The following IL15 variants were observed in gnomAD, a reference collection of about 807,000 sequenced individuals.
IL15 encodes the protein interleukin 15.
A neutral mutation model predicts 19.6 loss-of-function variants in IL15; 11 were observed. That is an observed-to-expected ratio of 0.56 (90% CI 0.35 to 0.93). The LOEUF is 0.93. IL15 is among the 40% of genes least tolerant of loss of function. The pLI, the probability that IL15 is intolerant of heterozygous loss-of-function variation, is 0.01. For missense variants in IL15, 197 were observed against 186.5 expected (o/e 1.06, Z -0.33); for synonymous variants, 58 against 59.6 (o/e 0.97, Z 0.12).
chr4:141,679,493 T>C (rs941166193), intron 2 of IL15, among the ~76,000 whole-genome samples: 2 of 152,224 alleles, frequency 1.3e-5, no homozygotes, highest in Admixed American at 6.5e-5. Flanking sequence ...ATTATTTCTT[T>C]GGTTTCAATT....
intron 2 of IL15, among the ~76,000 whole-genome samples, chr4:141,696,211 T>C (rs1213582234): frequency 6.6e-6 from 1 of 152,152 alleles, no homozygotes; most frequent in Non-Finnish European, 1.5e-5. Context: ...CCAATATATA[T>C]TCTTGGCACC....
chr4:141,642,184 G>A (rs1019882383), intron 1 of IL15, among the ~76,000 whole-genome samples: 20 of 152,248 alleles, frequency 1.3e-4, no homozygotes, highest in African/African-American at 4.8e-4. Context: ...CACATGTTAA[G>A]ATTCTGGATA....
At chr4:141,681,331 A>G (rs188064902) in intron 2 of IL15, among the ~76,000 whole-genome samples, 71 of 152,106 alleles carry the variant, frequency 4.7e-4, no homozygotes, top group African/African-American at 1.5e-3. Flanking sequence ...AAAGGGTAAT[A>G]GAAGTCATAG....
chr4:141,662,853 A>G (rs761092216), intron 2 of IL15, among the ~76,000 whole-genome samples: 5 of 152,066 alleles, frequency 3.3e-5, no homozygotes, highest in Non-Finnish European at 7.4e-5. Context: ...TTTGATTTAA[A>G]CCCTTAAAGA....
At chr4:141,680,349 CCT>C (rs1331528481) in intron 2 of IL15, among the ~76,000 whole-genome samples, 1 of 152,120 alleles carries the variant, frequency 6.6e-6, no homozygotes, top group Non-Finnish European at 1.5e-5. Context: ...TGAGCTATCC[CCT>C]GTGTTTTATG....
At chr4:141,698,738 C>T (rs540110404) in intron 2 of IL15, among the ~76,000 whole-genome samples, 6 of 152,082 alleles carry the variant, frequency 3.9e-5, no homozygotes, top group Non-Finnish European at 5.9e-5. Flanking sequence ...CTTGGTTAAT[C>T]GTACTAATGG....
At chr4:141,713,008 C>A (rs1729760104) in intron 2 of IL15, among the ~76,000 whole-genome samples, 1 of 151,762 alleles carries the variant, frequency 6.6e-6, no homozygotes, top group Admixed American at 6.6e-5. Context: ...AGAATTAATA[C>A]CAACCTCAGG....
At chr4:141,651,294 T>G (rs1727398420) in intron 1 of IL15, among the ~76,000 whole-genome samples, 1 of 152,036 alleles carries the variant, frequency 6.6e-6, no homozygotes, top group Non-Finnish European at 1.5e-5. Context: ...CATGACGGAA[T>G]TGGAGGCCAT....
At chr4:141,722,819 A>G (rs1475314400) in intron 5 of IL15, among the ~76,000 whole-genome samples, 2 of 152,188 alleles carry the variant, frequency 1.3e-5, no homozygotes, top group African/African-American at 4.8e-5. Flanking sequence ...GCCTTAACAA[A>G]GAAATAGAAG....
chr4:141,671,900 T>G (rs1223134972), intron 2 of IL15, among the ~76,000 whole-genome samples: 2 of 152,226 alleles, frequency 1.3e-5, no homozygotes, highest in African/African-American at 4.8e-5. Flanking sequence ...GTGCATGGGA[T>G]GGAAGAGACT....
intron 4 of IL15, chr4:141,721,031 G>T: frequency 1.5e-6 from 1 of 681,276 alleles, no homozygotes; most frequent in Non-Finnish European, 2.4e-6. Flanking sequence ...ATGTTTCCAT[G>T]ACTATTAACT....
rs191545560 is a variant in IL15, at chr4:141,651,300, G to A, written c.-221-4886G>A. Among the ~76,000 whole-genome samples, 243 of 152,018 alleles carry A rather than the reference G, an allele frequency of 1.6e-3. 2 individuals carry two copies. Among genetic ancestry groups the A allele is most frequent in the African/African-American group, 5.7e-3 (235 of 41,458 alleles). On this transcript the variant is annotated intron_variant, in intron 1 of 7. Transcript: ENST00000320650. Reference sequence around the variant, plus strand: ...TTGCAGCAACATGACGGAATTGGAGGCCATTATCTCAAGTGAAACAAATCA... The same window carrying A: ...TTGCAGCAACATGACGGAATTGGAGACCATTATCTCAAGTGAAACAAATCA...
chr4:141,707,990 G>A (rs1480105710), intron 2 of IL15, among the ~76,000 whole-genome samples: 1 of 152,196 alleles, frequency 6.6e-6, no homozygotes, highest in Non-Finnish European at 1.5e-5. Context: ...CAGAGCTGCT[G>A]CAGGACTGGA....
chr4:141,654,432 G>A (rs1727518737), intron 1 of IL15, among the ~76,000 whole-genome samples: 1 of 152,228 alleles, frequency 6.6e-6, no homozygotes, highest in Non-Finnish European at 1.5e-5. Flanking sequence ...AATTTTTAAA[G>A]GAAATGCTTA....
intron 2 of IL15, among the ~76,000 whole-genome samples, chr4:141,656,693 A>G (rs993911467): frequency 6.6e-6 from 1 of 152,210 alleles, no homozygotes; most frequent in Non-Finnish European, 1.5e-5. Context: ...TCTGGGTCAT[A>G]GTTTGATAGT....
chr4:141,650,480 G>A (rs576236114), intron 1 of IL15, among the ~76,000 whole-genome samples: 2 of 152,114 alleles, frequency 1.3e-5, no homozygotes, highest in East Asian at 1.9e-4. Context: ...AGTTAATATG[G>A]AGAAGCAGCA....
At chr4:141,677,584 C>A (rs1168088897) in intron 2 of IL15, among the ~76,000 whole-genome samples, 8 of 152,076 alleles carry the variant, frequency 5.3e-5, no homozygotes, top group African/African-American at 1.4e-4. Context: ...GAGTGAGGTA[C>A]CAGTTTTCTT....
chr4:141,658,202 G>T (rs1316438351), intron 2 of IL15, among the ~76,000 whole-genome samples: 1 of 152,120 alleles, frequency 6.6e-6, no homozygotes, highest in African/African-American at 2.4e-5. Flanking sequence ...TTTTCCTCCT[G>T]CTCTGGCCAT....
At position 141,729,882 on chromosome 4, in the gene IL15, C is replaced by T; in HGVS notation, c.276C>T (p.Leu92=). ...AAGTAACAGCAATGAAGTGCTTTCT[C>T]TTGGAGTTACAAGTTATTTCACTTG... The part of the protein sequence containing the change: ...SCKVTAMKCF[L]LELQVISLES... The change falls in exon 7 of 8, where the codon CTC becomes CTT. Residue 92 remains leucine (L), a synonymous_variant. Transcript: ENST00000320650. 1.3e-6 allele frequency: 2 copies of T among 1,583,874 alleles called. No homozygotes were observed. The highest frequency in any genetic ancestry group is 1.7e-6 in the Non-Finnish European group (2 of 1,152,838).
Sources: gnomAD v4.1 joint callset for allele counts (sites outside exome capture counted in the v4.1 genomes callset) on GRCh38, gnomAD v4.1.1 for gene constraint, MANE v1.5 for transcripts, NCBI Gene and HGNC (gene_info 2026-07-23, HGNC 2026-07-21) for gene names.